Variants in MRAP2 observed in about 807,000 individuals in gnomAD.
The protein encoded by MRAP2 is melanocortin 2 receptor accessory protein 2.
A neutral mutation model predicts 17.4 loss-of-function variants in MRAP2; 20 were observed. The ratio of observed to expected loss-of-function variants is 1.15; its 90% confidence interval spans 0.81 to 1.67. MRAP2 has a LOEUF of 1.67. Ranked by LOEUF, MRAP2 falls within the 40% of genes most tolerant of loss-of-function variation. The probability of loss-of-function intolerance (pLI) is 0.00; values close to 1 mark genes in which losing one functional copy is unlikely to be tolerated. For synonymous variants in MRAP2, 96 were observed against 88.4 expected (o/e 1.09, Z -0.48); for missense variants, 238 against 240.0 (o/e 0.99, Z 0.05).
At chr6:84,059,611 A>C (rs1178728055) in intron 2 of MRAP2, among the ~76,000 whole-genome samples, 1 of 152,174 alleles carries the variant, frequency 6.6e-6, no homozygotes. Context: ...CTCTTGTTCC[A>C]TTCCATTCAT....
the MRAP2 span, among the ~76,000 whole-genome samples, chr6:84,142,873 TAA>T: frequency 0.024 from 3,665 of 152,200 alleles, 137 homozygotes; most frequent in African/African-American, 0.084. Flanking sequence ...GCTGCTTGCC[TAA>T]CCTGCATGTG....
chr6:84,116,420 T>G, the MRAP2 span, among the ~76,000 whole-genome samples: 2 of 152,208 alleles, frequency 1.3e-5, no homozygotes, highest in Non-Finnish European at 2.9e-5. Flanking sequence ...ATGTAAGACA[T>G]GCCTTTCACC....
At chr6:84,131,331 G>A in the MRAP2 span, among the ~76,000 whole-genome samples, 2 of 152,176 alleles carry the variant, frequency 1.3e-5, no homozygotes, top group Non-Finnish European at 2.9e-5. Flanking sequence ...TGTTGATTTG[G>A]GGTGGAGAGT....
the MRAP2 span, among the ~76,000 whole-genome samples, chr6:84,111,644 A>G: frequency 1.3e-5 from 2 of 152,114 alleles, no homozygotes; most frequent in African/African-American, 4.8e-5. Context: ...TACTGTGTTG[A>G]ATAGGAGTGG....
At chr6:84,055,555 G>C in intron 2 of MRAP2, 110 bp downstream of exon 2, 1 of 1,099,936 alleles carries the variant, frequency 9.1e-7, no homozygotes, top group East Asian at 2.5e-5. Flanking sequence ...AGAACTCTCT[G>C]TCCTCTACCT....
the MRAP2 span, among the ~76,000 whole-genome samples, chr6:84,106,574 C>T: frequency 6.6e-6 from 1 of 152,176 alleles, no homozygotes; most frequent in Non-Finnish European, 1.5e-5. Flanking sequence ...TATCCTCCAT[C>T]CCTGACTGCA....
At chr6:84,144,123 G>T in the MRAP2 span, among the ~76,000 whole-genome samples, 8 of 151,832 alleles carry the variant, frequency 5.3e-5, no homozygotes, top group Non-Finnish European at 7.4e-5. Flanking sequence ...AACTAGCTTT[G>T]GGATGTTCCA....
At chr6:84,125,259 G>C in the MRAP2 span, 2 of 1,613,088 alleles carry the variant, frequency 1.2e-6, no homozygotes, top group African/African-American at 2.7e-5. Context: ...CTACTACTTG[G>C]TGTGTTTGCT....
At chr6:84,119,566 TCAAATC>T in the MRAP2 span, among the ~76,000 whole-genome samples, 1 of 152,204 alleles carries the variant, frequency 6.6e-6, no homozygotes, top group Non-Finnish European at 1.5e-5. Context: ...AGCCAGAAAT[TCAAATC>T]CCTGAGCTCA....
the MRAP2 span, among the ~76,000 whole-genome samples, chr6:84,099,611 C>T: frequency 1.3e-5 from 2 of 152,084 alleles, no homozygotes; most frequent in African/African-American, 4.8e-5. Flanking sequence ...CTGGCACCTC[C>T]TCCTCTCCTT....
At chr6:84,066,004 A>AACACAC (rs10684117) in intron 3 of MRAP2, among the ~76,000 whole-genome samples, 3,308 of 142,492 alleles carry the variant, frequency 0.023, 85 homozygotes, top group African/African-American at 0.073. Flanking sequence ...TCTCTTTATA[A>AACACAC]ACACACACAC....
At chr6:84,132,226 G>A in the MRAP2 span, among the ~76,000 whole-genome samples, 1 of 152,104 alleles carries the variant, frequency 6.6e-6, no homozygotes, top group African/African-American at 2.4e-5. Context: ...TAGTCTGATG[G>A]GCTTCCCTTT....
At chr6:84,129,955 A>T in the MRAP2 span, among the ~76,000 whole-genome samples, 1 of 152,222 alleles carries the variant, frequency 6.6e-6, no homozygotes, top group East Asian at 1.9e-4. Flanking sequence ...CTTCAAAGGG[A>T]ATGCTTCCAG....
At chr6:84,118,168 T>C in the MRAP2 span, among the ~76,000 whole-genome samples, 1 of 152,032 alleles carries the variant, frequency 6.6e-6, no homozygotes, top group African/African-American at 2.4e-5. Context: ...CTGCAGGCTG[T>C]AGAACATGGG....
At chr6:84,096,402 A>C in the MRAP2 span, among the ~76,000 whole-genome samples, 1 of 152,206 alleles carries the variant, frequency 6.6e-6, no homozygotes, top group African/African-American at 2.4e-5. Context: ...AAAACACCTC[A>C]TTAGATAGCA....
At chr6:84,036,418 C>T (rs1216835614) in intron 1 of MRAP2, among the ~76,000 whole-genome samples, 6 of 152,136 alleles carry the variant, frequency 3.9e-5, no homozygotes, top group East Asian at 1.9e-4. Context: ...AATGAAGCCA[C>T]GGACCCTTGC....
chr6:84,068,643 G>GT (rs555106348), intron 3 of MRAP2, among the ~76,000 whole-genome samples: 5 of 150,952 alleles, frequency 3.3e-5, no homozygotes, highest in African/African-American at 1.2e-4. Flanking sequence ...TTTGTTTTTT[G>GT]TTTTTTTGTG....
At chr6:84,070,333 G>A (rs2129170353) in intron 3 of MRAP2, among the ~76,000 whole-genome samples, 1 of 152,198 alleles carries the variant, frequency 6.6e-6, no homozygotes, top group South Asian at 2.1e-4. Context: ...AAATTTCTAT[G>A]TTGATTTCAT....
the MRAP2 span, among the ~76,000 whole-genome samples, chr6:84,128,174 G>A: frequency 6.6e-6 from 1 of 152,154 alleles, no homozygotes; most frequent in South Asian, 2.1e-4. Context: ...ACCTTTCAAT[G>A]ATTAAACATT....
Sources: gnomAD v4.1 joint callset for allele counts (sites outside exome capture counted in the v4.1 genomes callset) on GRCh38, gnomAD v4.1.1 for gene constraint, MANE v1.5 for transcripts, NCBI Gene and HGNC (gene_info 2026-07-23, HGNC 2026-07-21) for gene names.